Variants in FIRRM observed in about 807,000 individuals in gnomAD.
The protein encoded by FIRRM is FIGNL1 interacting regulator of recombination and mitosis, also known as FIGNL1-interacting regulator of recombination and mitosis.
the FIRRM span, among the ~76,000 whole-genome samples, chr1:169,822,744 C>T: frequency 6.6e-6 from 1 of 151,904 alleles, no homozygotes; most frequent in African/African-American, 2.4e-5. Context: ...AGGTGATCTG[C>T]CTGCCCTGCC....
chr1:169,807,493 G>T, the FIRRM span, among the ~76,000 whole-genome samples: 1 of 152,274 alleles, frequency 6.6e-6, no homozygotes, highest in South Asian at 2.1e-4. Context: ...CAAGTTTCAT[G>T]CAGGTAAGGC....
chr1:169,786,320 A>G, the FIRRM span, among the ~76,000 whole-genome samples: 41 of 152,350 alleles, frequency 2.7e-4, no homozygotes, highest in African/African-American at 9.6e-4. Context: ...TATTGTAAAA[A>G]TCCTGGAGAA....
the FIRRM span, among the ~76,000 whole-genome samples, chr1:169,831,536 T>G: frequency 6.6e-6 from 1 of 152,354 alleles, no homozygotes; most frequent in Non-Finnish European, 1.5e-5. Context: ...TTACACACTT[T>G]ACTAAATCCT....
the FIRRM span, among the ~76,000 whole-genome samples, chr1:169,836,463 C>G: frequency 6.6e-6 from 1 of 152,114 alleles, no homozygotes; most frequent in Non-Finnish European, 1.5e-5. Context: ...AACCAGCTAA[C>G]TCATTTGAAA....
chr1:169,841,932 C>CT, the FIRRM span, among the ~76,000 whole-genome samples: 1 of 151,988 alleles, frequency 6.6e-6, no homozygotes, highest in African/African-American at 2.4e-5. Flanking sequence ...AATCCTAGCA[C>CT]TTTGGGAGGC....
the FIRRM span, among the ~76,000 whole-genome samples, chr1:169,799,808 C>T: frequency 1.3e-5 from 2 of 152,180 alleles, no homozygotes; most frequent in Non-Finnish European, 2.9e-5. Flanking sequence ...CTGCCTTGGC[C>T]TCCATAAGTG....
chr1:169,842,909 C>G, the FIRRM span, among the ~76,000 whole-genome samples: 2 of 152,130 alleles, frequency 1.3e-5, no homozygotes, highest in Admixed American at 1.3e-4. Flanking sequence ...AGTGAGCTGA[C>G]TTAAAGGTGG....
At chr1:169,852,375 T>C in the FIRRM span, 4 of 272,286 alleles carry the variant, frequency 1.5e-5, no homozygotes, top group African/African-American at 6.8e-5. Flanking sequence ...ATTCAAAATA[T>C]TGTTTTGAGC....
At chr1:169,788,228 G>A in the FIRRM span, among the ~76,000 whole-genome samples, 4 of 152,170 alleles carry the variant, frequency 2.6e-5, no homozygotes, top group African/African-American at 9.6e-5. Flanking sequence ...TCAGTTATAC[G>A]CAGATTTTCT....
chr1:169,852,520 C>CTTCT, the FIRRM span: 2 of 464,734 alleles, frequency 4.3e-6, no homozygotes, highest in Non-Finnish European at 7.7e-6. Flanking sequence ...CTATGCAGCA[C>CTTCT]TTCTCATTGG....
the FIRRM span, among the ~76,000 whole-genome samples, chr1:169,849,089 A>C: frequency 6.6e-6 from 1 of 152,338 alleles, no homozygotes; most frequent in Admixed American, 6.5e-5. Context: ...AGTGCTATGG[A>C]GAAAAATAAA....
At chr1:169,826,606 A>T in the FIRRM span, among the ~76,000 whole-genome samples, 23 of 137,504 alleles carry the variant, frequency 1.7e-4, no homozygotes, top group Non-Finnish European at 2.8e-4. Flanking sequence ...CAGGTGATCC[A>T]CCCGCCTCAA....
chr1:169,816,126 C>T, the FIRRM span, among the ~76,000 whole-genome samples: 2 of 152,180 alleles, frequency 1.3e-5, no homozygotes, highest in African/African-American at 4.8e-5. Context: ...CAGAGAACAA[C>T]AGCAGTATAT....
At chr1:169,849,370 G>A in the FIRRM span, 1 of 651,060 alleles carries the variant, frequency 1.5e-6, no homozygotes, top group East Asian at 2.8e-5. Context: ...TACCTAATAT[G>A]TTTTAGTGTG....
the FIRRM span, chr1:169,852,671 C>T: frequency 8.4e-6 from 9 of 1,066,794 alleles, no homozygotes; most frequent in East Asian, 2.4e-5. Context: ...GGTGCATCCT[C>T]CTACCCTTGT....
At chr1:169,807,401 C>G in the FIRRM span, among the ~76,000 whole-genome samples, 1 of 152,166 alleles carries the variant, frequency 6.6e-6, no homozygotes. Flanking sequence ...TATTGTAGCA[C>G]CTTAGACTCT....
At chr1:169,832,829 A>G in the FIRRM span, among the ~76,000 whole-genome samples, 198 of 152,118 alleles carry the variant, frequency 1.3e-3, no homozygotes, top group Non-Finnish European at 2.4e-3. Flanking sequence ...GCTGGTCTCA[A>G]ACTCCTGGGC....
At chr1:169,811,159 C>T in the FIRRM span, among the ~76,000 whole-genome samples, 1 of 152,216 alleles carries the variant, frequency 6.6e-6, no homozygotes, top group African/African-American at 2.4e-5. Context: ...CGCGCCCGGC[C>T]TGCCCCCAAT....
the FIRRM span, among the ~76,000 whole-genome samples, chr1:169,801,701 T>C: frequency 6.6e-6 from 1 of 151,920 alleles, no homozygotes; most frequent in African/African-American, 2.4e-5. Flanking sequence ...TAGATATATA[T>C]GGTATATGTT....
Sources: gnomAD v4.1 joint callset for allele counts (sites outside exome capture counted in the v4.1 genomes callset) on GRCh38, gnomAD v4.1.1 for gene constraint, MANE v1.5 for transcripts, NCBI Gene and HGNC (gene_info 2026-07-23, HGNC 2026-07-21) for gene names.